The following PLXDC2 variants were observed in gnomAD, a reference collection of about 807,000 sequenced individuals.
The protein encoded by PLXDC2 is plexin domain containing 2, also known as plexin domain-containing protein 2.
In PLXDC2, 40 loss-of-function variants were observed where a neutral mutation model predicts 68.9. That is an observed-to-expected ratio of 0.58 (90% CI 0.45 to 0.76). The LOEUF is 0.76. Among genes scored for constraint, PLXDC2 ranks in the 30% least tolerant of loss-of-function variants. The pLI, the probability that PLXDC2 is intolerant of heterozygous loss-of-function variation, is 0.00. For missense variants in PLXDC2, 644 were observed against 661.9 expected, an observed-to-expected ratio of 0.97 and a Z score of 0.30; for synonymous variants, 243 against 234.2, an observed-to-expected ratio of 1.04 and a Z score of -0.34.
At chr10:19,817,274 C>A in intron 1 of PLXDC2, 83 bp downstream of exon 1, 1 of 1,093,620 alleles carries the variant, frequency 9.1e-7, no homozygotes. Context: ...ACCCTCTCCC[C>A]CCAACATCAC....
intron 1 of PLXDC2, among the ~76,000 whole-genome samples, chr10:19,852,862 A>C (rs189992975): frequency 5.4e-4 from 82 of 152,336 alleles, no homozygotes; most frequent in African/African-American, 1.8e-3. Flanking sequence ...TTGTGTAAAA[A>C]TATTTTTTGA....
intron 6 of PLXDC2, among the ~76,000 whole-genome samples, chr10:20,157,888 T>A (rs1040703583): frequency 2.6e-5 from 4 of 152,186 alleles, no homozygotes; most frequent in African/African-American, 9.6e-5. Flanking sequence ...AAGCATATTT[T>A]AACCAGTGTG....
chr10:20,192,079 A>C (rs2131839894), intron 9 of PLXDC2, among the ~76,000 whole-genome samples: 1 of 152,134 alleles, frequency 6.6e-6, no homozygotes, highest in South Asian at 2.1e-4. Context: ...AGTAAATGAG[A>C]ATTAGGAAGG....
At chr10:19,988,544 A>T (rs1487683401) in intron 1 of PLXDC2, among the ~76,000 whole-genome samples, 6 of 152,072 alleles carry the variant, frequency 3.9e-5, no homozygotes, top group Non-Finnish European at 8.8e-5. Flanking sequence ...GCATACTTCA[A>T]CCTATACCAC....
chr10:19,856,045 A>G (rs934764208), intron 1 of PLXDC2, among the ~76,000 whole-genome samples: 2 of 152,356 alleles, frequency 1.3e-5, no homozygotes, highest in African/African-American at 4.8e-5. Context: ...CAGTGAGCCA[A>G]GATCGTGCCA....
chr10:20,263,796 T>C (rs1328785188), intron 13 of PLXDC2, among the ~76,000 whole-genome samples: 1 of 152,140 alleles, frequency 6.6e-6, no homozygotes, highest in Non-Finnish European at 1.5e-5. Flanking sequence ...TCAGAATGGC[T>C]ATGATTAAAA....
chr10:20,021,920 A>G (rs952832678), intron 2 of PLXDC2, among the ~76,000 whole-genome samples: 2 of 152,182 alleles, frequency 1.3e-5, no homozygotes, highest in African/African-American at 4.8e-5. Flanking sequence ...GCTGGTCTCG[A>G]ACTCCTGACC....
intron 4 of PLXDC2, among the ~76,000 whole-genome samples, chr10:20,131,034 A>C (rs2131776032): frequency 6.6e-6 from 1 of 152,250 alleles, no homozygotes; most frequent in East Asian, 1.9e-4. Context: ...AATTTTTTGG[A>C]AGATTTTAAG....
At chr10:20,241,496 T>TAAGG (rs1835515545) in intron 12 of PLXDC2, among the ~76,000 whole-genome samples, 1 of 152,116 alleles carries the variant, frequency 6.6e-6, no homozygotes, top group Non-Finnish European at 1.5e-5. Context: ...ACAAAAGAAG[T>TAAGG]AAGGCTAAAC....
chr10:19,846,118 T>G (rs1837004593), intron 1 of PLXDC2, among the ~76,000 whole-genome samples: 1 of 152,110 alleles, frequency 6.6e-6, no homozygotes, highest in Non-Finnish European at 1.5e-5. Flanking sequence ...ATTGCTTGAG[T>G]CCAACCTTTC....
intron 2 of PLXDC2, among the ~76,000 whole-genome samples, chr10:20,017,265 C>T (rs1377525205): frequency 6.6e-6 from 1 of 152,094 alleles, no homozygotes; most frequent in Non-Finnish European, 1.5e-5. Context: ...GGGGCAGGGG[C>T]CACTGGGCAG....
At chr10:19,940,477 T>C (rs1833799842) in intron 1 of PLXDC2, among the ~76,000 whole-genome samples, 1 of 151,898 alleles carries the variant, frequency 6.6e-6, no homozygotes, top group South Asian at 2.1e-4. Context: ...GACAGGTCAT[T>C]CCTTCATTGT....
At chr10:19,845,088 G>T (rs1213466602) in intron 1 of PLXDC2, among the ~76,000 whole-genome samples, 1 of 152,106 alleles carries the variant, frequency 6.6e-6, no homozygotes, top group Admixed American at 6.6e-5. Flanking sequence ...TCCAGATGTG[G>T]TTTTCATAGG....
intron 1 of PLXDC2, among the ~76,000 whole-genome samples, chr10:19,923,677 G>T (rs1007300120): frequency 6.6e-6 from 1 of 152,148 alleles, no homozygotes; most frequent in Non-Finnish European, 1.5e-5. Flanking sequence ...GATTGATTTG[G>T]TTTTTCTAGC....
chr10:19,999,721 A>G (rs1350581883), intron 1 of PLXDC2, among the ~76,000 whole-genome samples: 1 of 152,108 alleles, frequency 6.6e-6, no homozygotes, highest in African/African-American at 2.4e-5. Flanking sequence ...GGTTGTCATA[A>G]AGTTTTATTG....
chr10:19,820,444 A>G (rs1836442203), intron 1 of PLXDC2, among the ~76,000 whole-genome samples: 1 of 151,172 alleles, frequency 6.6e-6, no homozygotes, highest in Admixed American at 6.6e-5. Flanking sequence ...ATCCTGGCTA[A>G]CAAGGTGAGA....
intron 9 of PLXDC2, among the ~76,000 whole-genome samples, chr10:20,206,586 C>T (rs931317675): frequency 6.6e-6 from 1 of 152,032 alleles, no homozygotes; most frequent in Non-Finnish European, 1.5e-5. Flanking sequence ...GGTTGTAGAG[C>T]ATGGGCTACA....
chr10:20,215,486 G>T (rs1355176813), intron 10 of PLXDC2, among the ~76,000 whole-genome samples: 6 of 151,932 alleles, frequency 3.9e-5, no homozygotes, highest in Non-Finnish European at 7.4e-5. Context: ...CCTCTTCTGG[G>T]ACTGCCTCCC....
intron 3 of PLXDC2, among the ~76,000 whole-genome samples, chr10:20,060,068 T>C (rs1836072362): frequency 6.6e-6 from 1 of 152,240 alleles, no homozygotes; most frequent in Admixed American, 6.5e-5. Flanking sequence ...GGTCTTGCTC[T>C]GTCACCCAGG....
Sources: gnomAD v4.1 joint callset for allele counts (sites outside exome capture counted in the v4.1 genomes callset) on GRCh38, gnomAD v4.1.1 for gene constraint, MANE v1.5 for transcripts, NCBI Gene and HGNC (gene_info 2026-07-23, HGNC 2026-07-21) for gene names.